CCL17: variants seen among roughly 807,000 people sequenced by gnomAD.
The protein encoded by CCL17 is C-C motif chemokine 17.
CCL17 carries 8 observed loss-of-function variants against 7.4 expected under a neutral mutation model. The ratio of observed to expected loss-of-function variants is 1.09; its 90% CI spans 0.64 to 1.96. The LOEUF (loss-of-function observed/expected upper bound fraction) is 1.96. Among genes scored for constraint, CCL17 ranks in the 30% most tolerant of loss-of-function variants. The pLI, the probability that CCL17 is intolerant of heterozygous loss-of-function variation, is 0.00. For missense variants in CCL17, 102 were observed against 113.0 expected, an observed-to-expected ratio of 0.90 and a Z score of 0.44; for synonymous variants, 40 against 46.1, an observed-to-expected ratio of 0.87 and a Z score of 0.54.
At chr16:57,404,892 G>C (rs985043475) in intron 1 of CCL17, 56 bp downstream of exon 1, 1 of 154,268 alleles carries the variant, frequency 6.5e-6, no homozygotes, top group Admixed American at 6.6e-5. Context: ...TGACCCCCTC[G>C]CTGGATCTTT....
chr16:57,408,990 G>A (rs2146536803), intron 1 of CCL17, among the ~76,000 whole-genome samples: 1 of 152,340 alleles, frequency 6.6e-6, no homozygotes, highest in African/African-American at 2.4e-5. Context: ...AATTACAGGT[G>A]TGAGCCACCA....
At position 57,407,189 on chromosome 16, in the gene CCL17, G is replaced by A. The variant is rs570992843; in HGVS notation, c.-60+2353G>A. On this transcript the variant is annotated intron_variant, in intron 1 of 3. Coordinates refer to ENST00000219244, the MANE Select transcript of CCL17 (RefSeq NM_002987.3). ...GGATCATGTTGTCAGCAGAGGGAAA[G>A]GGGGTCATGGGATTGGAGACAGTAA... is the stretch of plus-strand genomic sequence containing the variant. 4.6e-5 allele frequency among the ~76,000 whole-genome samples: 7 copies of A among 152,272 alleles called. No homozygotes were observed. The East Asian group carries it at 1.3e-3, about 29-fold the overall frequency.
chr16:57,415,826 G>A lies in CCL17; in HGVS notation c.250G>A (p.Ala84Thr). 1 of 1,613,244 alleles carries A rather than the reference G, an allele frequency of 6.2e-7. No homozygotes were observed. The highest frequency in any genetic ancestry group is 1.1e-5 in the South Asian group (1 of 91,058). Residue 84 changes from alanine to threonine, a missense_variant, in exon 4 of 4, where the codon GCA (alanine) becomes ACA (threonine). Physicochemically the swap from Ala to Thr is moderately conservative, Grantham distance 58. Transcript: ENST00000219244. This position sits in a 1 kb window ranked among gnomAD's most constrained non-coding sequence, Gnocchi z 4.5. ...SDPNNKRVKN[A>T]VKYLQSLERS ...CCCCAACAACAAGAGAGTGAAGAAT[G>A]CAGTTAAATACCTGCAAAGCCTTGA...
upstream of CCL17, among the ~76,000 whole-genome samples, chr16:57,402,975 A>G (rs1338897811): frequency 1.4e-5 from 2 of 145,456 alleles, no homozygotes; most frequent in Non-Finnish European, 3.0e-5. Flanking sequence ...CAGCAGACAT[A>G]AGTAAGCGAA....
At chr16:57,410,112 C>A (rs547286353) in intron 1 of CCL17, among the ~76,000 whole-genome samples, 1 of 152,308 alleles carries the variant, frequency 6.6e-6, no homozygotes, top group South Asian at 2.1e-4. Flanking sequence ...AGAGCTGCCG[C>A]CCCAGCCGCT....
At chr16:57,400,355 T>C (rs1395226164), upstream of CCL17, among the ~76,000 whole-genome samples, 4 of 151,244 alleles carry the variant, frequency 2.6e-5, no homozygotes, top group African/African-American at 9.7e-5. Flanking sequence ...CGAGACTCCG[T>C]CTCAAAAAAA....
At chr16:57,412,349 C>T (rs1171638389) in intron 1 of CCL17, among the ~76,000 whole-genome samples, 2 of 152,154 alleles carry the variant, frequency 1.3e-5, no homozygotes, top group Non-Finnish European at 1.5e-5. Flanking sequence ...GAGGCTCCTC[C>T]GAAGTCGAGG....
upstream of CCL17, among the ~76,000 whole-genome samples, chr16:57,401,534 A>G (rs1411902220): frequency 2.0e-5 from 3 of 152,010 alleles, no homozygotes; most frequent in Non-Finnish European, 4.4e-5. Context: ...GAAAAAAAAA[A>G]AAAAAGAAAA....
At chr16:57,400,978 A>G (rs1902583596), upstream of CCL17, among the ~76,000 whole-genome samples, 1 of 152,096 alleles carries the variant, frequency 6.6e-6, no homozygotes, top group African/African-American at 2.4e-5. Context: ...CAAAAAAAAA[A>G]AAAGAAACTT....
At chr16:57,398,319 G>A in the CCL17 span, among the ~76,000 whole-genome samples, 1 of 152,190 alleles carries the variant, frequency 6.6e-6, no homozygotes, top group African/African-American at 2.4e-5. Context: ...GCCACTGGTT[G>A]TGGGGTTATT....
chr16:57,397,547 C>T, the CCL17 span, among the ~76,000 whole-genome samples: 2 of 151,640 alleles, frequency 1.3e-5, no homozygotes, highest in Non-Finnish European at 3.0e-5. Flanking sequence ...CGGTTTCCTT[C>T]TGCCTTTTCT....
At chr16:57,411,210 A>G (rs1299137653) in intron 1 of CCL17, among the ~76,000 whole-genome samples, 1 of 152,130 alleles carries the variant, frequency 6.6e-6, no homozygotes, top group African/African-American at 2.4e-5. Context: ...TCTCACCTGC[A>G]TGTCCCTATG....
At chr16:57,403,562 T>A (rs1406376355), upstream of CCL17, among the ~76,000 whole-genome samples, 1 of 49,118 alleles carries the variant, frequency 2.0e-5, no homozygotes, top group Non-Finnish European at 3.5e-5. Context: ...TATATATATA[T>A]AATATATATT....
In CCL17 at chr16:57,413,969, C is replaced by A; in HGVS notation, c.37C>A (p.Leu13Ile). ...GAAGATGCTGGCCCTGGTCACCCTC[C>A]TCCTGGGGGCTTCTCTGCAGCACAT... ...PLKMLALVTL[L>I]LGASLQHIHA... Residue 13 changes from leucine to isoleucine, a missense_variant, in exon 2 of 4, where the codon CTC (leucine) becomes ATC (isoleucine). By Grantham distance (5) the Leu-to-Ile change is conservative. Transcript: ENST00000219244. The A allele has an allele frequency of 6.2e-7, 1 of 1,611,510 alleles. No individual in the cohort carries two copies. Among genetic ancestry groups the A allele is most frequent in the Admixed American group, 1.7e-5 (1 of 59,734 alleles).
At chr16:57,397,388 G>A in the CCL17 span, among the ~76,000 whole-genome samples, 1 of 152,194 alleles carries the variant, frequency 6.6e-6, no homozygotes, top group Non-Finnish European at 1.5e-5. Flanking sequence ...AGAAAACTAT[G>A]CCCCCATGAA....
chr16:57,412,378 C>T (rs1902798926), intron 1 of CCL17, among the ~76,000 whole-genome samples: 1 of 152,198 alleles, frequency 6.6e-6, no homozygotes, highest in East Asian at 1.9e-4. Flanking sequence ...CTGGTTTCCT[C>T]TCATAGGATC....
the CCL17 span, among the ~76,000 whole-genome samples, chr16:57,399,728 G>A: frequency 1.5e-3 from 221 of 152,316 alleles, no homozygotes; most frequent in African/African-American, 5.0e-3. Context: ...TATTACAGGC[G>A]TAAGCCACTG....
upstream of CCL17, among the ~76,000 whole-genome samples, chr16:57,402,363 G>A (rs148246605): frequency 2.3e-4 from 35 of 152,354 alleles, no homozygotes; most frequent in Middle Eastern, 3.4e-3. Flanking sequence ...TCCTTGGAAA[G>A]GGTGTGAGGC....
At chr16:57,398,878 A>G in the CCL17 span, among the ~76,000 whole-genome samples, 1 of 152,258 alleles carries the variant, frequency 6.6e-6, no homozygotes, top group Admixed American at 6.5e-5. Flanking sequence ...ATCTTGGGCC[A>G]GTGCCTGACC....
Sources: gnomAD v4.1 joint callset for allele counts (sites outside exome capture counted in the v4.1 genomes callset) on GRCh38, gnomAD v4.1.1 for gene constraint, Gnocchi (gnomAD v3.1) non-coding constraint, MANE v1.5 for transcripts, NCBI Gene and HGNC (gene_info 2026-07-23, HGNC 2026-07-21) for gene names.